CSMD3: variants seen among roughly 807,000 people sequenced by gnomAD.
CSMD3 encodes the protein CUB and sushi domain-containing protein 3.
Under a neutral mutation model 435.2 loss-of-function variants are expected in CSMD3, and 177 were observed. That is an observed-to-expected ratio of 0.41 (90% CI 0.36 to 0.46). CSMD3 has a LOEUF of 0.46. CSMD3 is among the 20% of genes least tolerant of loss of function. The pLI, the probability that CSMD3 is intolerant of heterozygous loss-of-function variation, is 0.34. For missense variants in CSMD3, 4,265 were observed against 4,504.6 expected, an observed-to-expected ratio of 0.95 and a Z score of 1.52; for synonymous variants, 1,656 against 1,520.5, an observed-to-expected ratio of 1.09 and a Z score of -2.07.
At chr8:112,748,041 A>C (rs1015216973) in intron 13 of CSMD3, among the ~76,000 whole-genome samples, 1 of 151,476 alleles carries the variant, frequency 6.6e-6, no homozygotes, top group Non-Finnish European at 1.5e-5. Context: ...TCTTGTTTTA[A>C]GCAACTGCTG....
intron 1 of CSMD3, among the ~76,000 whole-genome samples, chr8:113,399,759 C>T (rs1310033985): frequency 6.6e-6 from 1 of 151,530 alleles, no homozygotes; most frequent in East Asian, 1.9e-4. Context: ...CTGTACAACC[C>T]CTCCATATAC....
At chr8:112,532,928 A>C (rs956000967) in intron 27 of CSMD3, among the ~76,000 whole-genome samples, 1 of 152,148 alleles carries the variant, frequency 6.6e-6, no homozygotes, top group African/African-American at 2.4e-5. Flanking sequence ...ATATAAGTTG[A>C]TACAACAAAA....
intron 5 of CSMD3, among the ~76,000 whole-genome samples, chr8:113,096,021 G>T (rs2090152499): frequency 6.6e-6 from 1 of 152,004 alleles, no homozygotes; most frequent in Non-Finnish European, 1.5e-5. Context: ...CACAACTCAG[G>T]TATTAGTTTC....
At chr8:113,258,997 C>G (rs953144892) in intron 3 of CSMD3, among the ~76,000 whole-genome samples, 1 of 152,072 alleles carries the variant, frequency 6.6e-6, no homozygotes, top group African/African-American at 2.4e-5. Context: ...CAATTAAACA[C>G]ATGATGCTGC....
intron 11 of CSMD3, among the ~76,000 whole-genome samples, chr8:112,831,105 A>G (rs542045917): frequency 2.0e-5 from 3 of 152,056 alleles, no homozygotes; most frequent in East Asian, 1.9e-4. Context: ...TTGACTACAC[A>G]TATTTCTTGT....
chr8:113,292,416 A>G (rs1588454518), intron 2 of CSMD3, among the ~76,000 whole-genome samples: 1 of 151,892 alleles, frequency 6.6e-6, no homozygotes, highest in South Asian at 2.1e-4. Context: ...TAGATCAACA[A>G]AAATATACAT....
At chr8:113,030,374 A>G (rs577876962) in intron 5 of CSMD3, among the ~76,000 whole-genome samples, 1 of 148,782 alleles carries the variant, frequency 6.7e-6, no homozygotes, top group African/African-American at 2.4e-5. Flanking sequence ...CTGATTTCAA[A>G]CTACAGTATA....
intron 6 of CSMD3, among the ~76,000 whole-genome samples, chr8:112,988,345 G>T (rs2085328920): frequency 6.6e-6 from 1 of 152,052 alleles, no homozygotes; most frequent in Non-Finnish European, 1.5e-5. Flanking sequence ...CCTGTTTAAT[G>T]TGTAAATGCA....
intron 10 of CSMD3, among the ~76,000 whole-genome samples, chr8:112,901,524 T>C (rs2082108675): frequency 6.6e-6 from 1 of 151,274 alleles, no homozygotes; most frequent in Non-Finnish European, 1.5e-5. Context: ...ATTCTTGAAA[T>C]CCGCCATTGT....
At chr8:112,956,162 T>C (rs1220003806) in intron 7 of CSMD3, among the ~76,000 whole-genome samples, 2 of 152,034 alleles carry the variant, frequency 1.3e-5, no homozygotes, top group Non-Finnish European at 2.9e-5. Context: ...CCTTTTTACC[T>C]GCTTTTTTCT....
At chr8:112,449,003 G>C (rs1480742827) in intron 32 of CSMD3, among the ~76,000 whole-genome samples, 1 of 152,036 alleles carries the variant, frequency 6.6e-6, no homozygotes, top group Non-Finnish European at 1.5e-5. Context: ...TGCTACTCTA[G>C]TTCTGATTAT....
chr8:113,275,306 T>C (rs755139863), intron 3 of CSMD3, among the ~76,000 whole-genome samples: 2 of 152,116 alleles, frequency 1.3e-5, no homozygotes, highest in Non-Finnish European at 2.9e-5. Context: ...TAGCTTTTAT[T>C]ATACACCAGA....
chr8:112,239,030 C>A (rs546627827), intron 66 of CSMD3, among the ~76,000 whole-genome samples: 6 of 152,008 alleles, frequency 3.9e-5, no homozygotes, highest in African/African-American at 1.4e-4. Flanking sequence ...AATAGCTGAG[C>A]CTTGGCCAAT....
intron 4 of CSMD3, among the ~76,000 whole-genome samples, chr8:113,136,294 A>T (rs2091417136): frequency 6.6e-6 from 1 of 151,546 alleles, no homozygotes; most frequent in African/African-American, 2.4e-5. Flanking sequence ...CCTATTGAGC[A>T]TTTGAACTGT....
At chr8:113,390,898 T>A (rs1371808869) in intron 1 of CSMD3, among the ~76,000 whole-genome samples, 1 of 151,934 alleles carries the variant, frequency 6.6e-6, no homozygotes, top group Non-Finnish European at 1.5e-5. Flanking sequence ...TTAGAAGAAA[T>A]CAGCTTATGC....
At chr8:113,155,041 A>G (rs549711349) in intron 4 of CSMD3, among the ~76,000 whole-genome samples, 19 of 152,068 alleles carry the variant, frequency 1.2e-4, no homozygotes, top group Admixed American at 8.5e-4. Context: ...AAAATGAAAT[A>G]TAATAAACTA....
chr8:112,269,340 C>G (rs1202774355), intron 59 of CSMD3, among the ~76,000 whole-genome samples: 1 of 152,158 alleles, frequency 6.6e-6, no homozygotes, highest in Non-Finnish European at 1.5e-5. Flanking sequence ...GCCTTAGATT[C>G]ATTTATCACC....
chr8:112,453,065 C>T (rs58177180), intron 32 of CSMD3, among the ~76,000 whole-genome samples: 2,667 of 152,190 alleles, frequency 0.018, 80 homozygotes, highest in African/African-American at 0.061. Context: ...AGGCAAGAAG[C>T]TGGACAATTA....
Position 113,098,877 on chromosome 8 carries a change from C to G in CSMD3, c.796G>C (p.Asp266His), listed in dbSNP as rs186445773. The G allele has an allele frequency of 1.2e-6, 2 of 1,611,262 alleles. No individual in the cohort carries two copies. The highest frequency in any genetic ancestry group is 8.5e-7 in the Non-Finnish European group (1 of 1,177,678). ...SFPNEYHNNA[D>H]CTWTIVAEPG... ...TCTGCTACAATGGTCCAAGTGCAAT[C>G]AGCATTGTTATGGTACTCATTAGGA... Residue 266 changes from aspartate to histidine, a missense_variant, in exon 5 of 71, where the codon GAT becomes CAT. Physicochemically the swap from Asp to His is moderately conservative, Grantham distance 81. This residue lies in a region of CSMD3 where 731 missense variants were observed against 755.4 expected (regional missense o/e 0.97). Coordinates refer to ENST00000297405, the MANE Select transcript of CSMD3 (RefSeq NM_198123.2).
Sources: allele counts gnomAD v4.1 joint callset (sites outside exome capture counted in the v4.1 genomes callset), GRCh38; gene constraint gnomAD v4.1.1; regional missense constraint gnomAD v4.1.1; transcripts MANE v1.5; gene names NCBI Gene and HGNC (gene_info 2026-07-23, HGNC 2026-07-21).